The following FERMT2 variants were observed in gnomAD, a reference collection of about 807,000 sequenced individuals.
FERMT2 encodes FERM domain containing kindlin 2, also known as fermitin family homolog 2.
A neutral mutation model predicts 82.7 loss-of-function variants in FERMT2; 15 were observed. That is an observed-to-expected ratio of 0.18 (90% CI 0.12 to 0.28). The LOEUF (loss-of-function observed/expected upper bound fraction) is 0.28, where lower values mean the gene tolerates loss of function less well. FERMT2 is among the 10% of genes least tolerant of loss of function. The pLI is 1.00. For synonymous variants in FERMT2, 274 were observed against 271.5 expected, an observed-to-expected ratio of 1.01 and a Z score of -0.09; for missense variants, 645 against 809.4, an observed-to-expected ratio of 0.80 and a Z score of 2.46.
intron 4 of FERMT2, among the ~76,000 whole-genome samples, chr14:52,885,584 G>A (rs1886551341): frequency 6.6e-6 from 1 of 151,964 alleles, no homozygotes; most frequent in Admixed American, 6.6e-5. Context: ...CTTACTAAAT[G>A]ACATGGAAAG....
intron 2 of FERMT2, among the ~76,000 whole-genome samples, chr14:52,932,756 A>C (rs966643111): frequency 2.6e-5 from 4 of 152,216 alleles, no homozygotes; most frequent in Non-Finnish European, 4.4e-5. Flanking sequence ...AAAGACCAGA[A>C]GTGAATTCCT....
At chr14:52,881,567 A>C (rs1008692072) in intron 4 of FERMT2, 98 bp from the exon 5 acceptor site, 4 of 1,011,652 alleles carry the variant, frequency 4.0e-6, no homozygotes, top group South Asian at 1.7e-5. Flanking sequence ...TTGTGAAACA[A>C]AAGTTTTATT....
intron 3 of FERMT2, among the ~76,000 whole-genome samples, chr14:52,914,443 A>G (rs1362403941): frequency 6.6e-6 from 1 of 152,170 alleles, no homozygotes; most frequent in African/African-American, 2.4e-5. Context: ...CTGAATGTCA[A>G]ATGTTAAAAG....
chr14:52,882,492 G>C (rs1886353443), intron 4 of FERMT2, among the ~76,000 whole-genome samples: 1 of 152,078 alleles, frequency 6.6e-6, no homozygotes, highest in South Asian at 2.1e-4. Flanking sequence ...TGAATTTAAG[G>C]CATCTAAAAA....
intron 4 of FERMT2, among the ~76,000 whole-genome samples, chr14:52,884,310 C>T (rs1190338025): frequency 6.6e-6 from 1 of 152,170 alleles, no homozygotes; most frequent in Non-Finnish European, 1.5e-5. Flanking sequence ...AGCTATAAAT[C>T]GGCCAGTCTG....
chr14:52,900,413 G>C (rs1475275112), intron 3 of FERMT2, among the ~76,000 whole-genome samples: 2 of 152,040 alleles, frequency 1.3e-5, no homozygotes, highest in East Asian at 3.9e-4. Context: ...GAGAAACTGA[G>C]GTAAAGAAGG....
At chr14:52,859,399 G>T (rs1171027008) in intron 14 of FERMT2, 174 bp downstream of exon 14, 2 of 560,066 alleles carry the variant, frequency 3.6e-6, no homozygotes, top group Admixed American at 4.1e-5. Context: ...TAGTAACTGG[G>T]CTAATTATGA....
At position 52,895,202 on chromosome 14, in the gene FERMT2, G is replaced by A. The variant is rs149599216; in HGVS notation, c.392-1775C>T. Among the ~76,000 whole-genome samples the A allele has an allele frequency of 3.2e-4, 48 of 152,288 alleles. No homozygotes were observed. In the East Asian group the frequency reaches 8.1e-3, roughly 26 times the overall value. On this transcript the variant is annotated intron_variant, in intron 3 of 14. Coordinates refer to ENST00000341590, the MANE Select transcript of FERMT2 (RefSeq NM_006832.3). ...TCAAAGAGGCCAGCATTAAAAAGAC[G>A]TTACTACTCAGTGTCAGTGAGGATG...
intron 2 of FERMT2, among the ~76,000 whole-genome samples, chr14:52,920,782 A>G (rs984746675): frequency 6.6e-6 from 1 of 151,678 alleles, no homozygotes; most frequent in Non-Finnish European, 1.5e-5. Flanking sequence ...GTGAAACCCC[A>G]TCTCTACAAA....
chr14:52,933,479 TG>T (rs574494243), intron 2 of FERMT2, among the ~76,000 whole-genome samples: 2 of 150,876 alleles, frequency 1.3e-5, no homozygotes, highest in African/African-American at 2.4e-5. Context: ...GAGGCTGAGG[TG>T]GGGGGGAATC....
At chr14:52,927,161 T>C (rs896146671) in intron 2 of FERMT2, among the ~76,000 whole-genome samples, 1 of 152,150 alleles carries the variant, frequency 6.6e-6, no homozygotes, top group Non-Finnish European at 1.5e-5. Context: ...CTGTGTATTC[T>C]AAGGAACAGA....
At chr14:52,922,933 C>T (rs1045897521) in intron 2 of FERMT2, among the ~76,000 whole-genome samples, 28 of 152,070 alleles carry the variant, frequency 1.8e-4, no homozygotes, top group Admixed American at 1.8e-3. Context: ...CATCAACGAG[C>T]GTATTCACAA....
chr14:52,935,140 C>A (rs915888417), intron 2 of FERMT2, among the ~76,000 whole-genome samples: 2 of 152,144 alleles, frequency 1.3e-5, no homozygotes, highest in Non-Finnish European at 2.9e-5. Context: ...AGTAAACGTG[C>A]AAATTGCAAC....
chr14:52,872,140 C>T (rs916052426), intron 10 of FERMT2: 5 of 152,640 alleles, frequency 3.3e-5, no homozygotes, highest in Non-Finnish European at 5.8e-5. Flanking sequence ...ATGACTACAG[C>T]GTGGCTTAAA....
intron 3 of FERMT2, among the ~76,000 whole-genome samples, chr14:52,917,142 A>G (rs1294245571): frequency 1.3e-5 from 2 of 152,204 alleles, no homozygotes; most frequent in African/African-American, 4.8e-5. Context: ...TAAAACAGCA[A>G]TTTTACTTCT....
rs1218224378 is a variant in FERMT2, at chr14:52,858,122, C to CTGAT, written c.*251_*254dup. 1 of 425,186 alleles carries CTGAT rather than the reference C, an allele frequency of 2.4e-6. No individual in the cohort carries two copies. The highest frequency in any genetic ancestry group is 2.0e-5 in the African/African-American group (1 of 50,626). 26.3% of individuals were successfully genotyped at this position (425,186 alleles called of 1,614,324 possible). A position where few individuals can be genotyped will look rare whatever the true frequency, so the allele number is the denominator to read the frequency against. ...TCAGTAAATCAGTGATGGTTTGTTC[C>CTGAT]TGATTTGCCCACTATTTCAGTTTTC... is the stretch of plus-strand genomic sequence containing the variant. On this transcript the variant is annotated 3_prime_UTR_variant, in exon 15 of 15. Transcript: ENST00000341590.
rs1889395802 is a variant in FERMT2 at position 52,928,315 on chromosome 14, T to G, written c.158-8959A>C. 3 of 179,034 alleles carry G rather than the reference T, an allele frequency of 1.7e-5. No homozygotes were observed. The South Asian group carries it at 3.7e-4, about 22-fold the overall frequency. The allele number at this position is 179,034 out of a possible 1,614,324, so 11.1% of individuals were successfully genotyped here. ...CTGATAAATATATACTTTTGTACTC[T>G]GCTAATATTGTAATTCTCTGTACCA... On this transcript the variant is annotated intron_variant, in intron 2 of 14. Transcript: ENST00000341590.
rs111344255 is a variant in FERMT2, at chr14:52,868,815, C to T, written c.1274-3962G>A. ...GCGTGTACAACATAGTCTCAAAAAACGAAACAACAAAAATCATAGGGCTTG... is the reference window on the plus strand; with the variant it reads ...GCGTGTACAACATAGTCTCAAAAAATGAAACAACAAAAATCATAGGGCTTG... On this transcript the variant is annotated intron_variant, in intron 10 of 14. Transcript: ENST00000341590. 4.2e-3 allele frequency among the ~76,000 whole-genome samples: 636 copies of T among 152,130 alleles called. 6 individuals are homozygous for T. Among genetic ancestry groups the T allele is most frequent in the African/African-American group, 0.015 (608 of 41,520 alleles).
At chr14:52,933,710 CAAA>C (rs1337838375) in intron 2 of FERMT2, among the ~76,000 whole-genome samples, 3 of 8,452 alleles carry the variant, frequency 3.5e-4, no homozygotes, top group Non-Finnish European at 2.3e-4. Context: ...AACTCCGTCT[CAAA>C]AAAAAAAAAA....
Sources: gnomAD v4.1 joint callset for allele counts (sites outside exome capture counted in the v4.1 genomes callset) on GRCh38, gnomAD v4.1.1 for gene constraint, MANE v1.5 for transcripts, NCBI Gene and HGNC (gene_info 2026-07-23, HGNC 2026-07-21) for gene names.